Variants in GAS7 observed in about 807,000 individuals in gnomAD.
The protein encoded by GAS7 is growth arrest specific 7.
In GAS7, 28 loss-of-function variants were observed where a neutral mutation model predicts 71.1. That is an observed-to-expected ratio of 0.39 (90% CI 0.29 to 0.54). The LOEUF is 0.54. Among genes scored for constraint, GAS7 ranks in the 20% least tolerant of loss-of-function variants. The pLI, the probability that GAS7 is intolerant of heterozygous loss-of-function variation, is 0.62. For synonymous variants in GAS7, 258 were observed against 245.8 expected (o/e 1.05, Z -0.46); for missense variants, 436 against 627.8 (o/e 0.69, Z 3.27).
At chr17:10,195,049 G>A (rs1198922155) in intron 1 of GAS7, among the ~76,000 whole-genome samples, 1 of 152,050 alleles carries the variant, frequency 6.6e-6, no homozygotes, top group East Asian at 1.9e-4. Context: ...GCACCACCCC[G>A]AGTAGGAAGA....
chr17:10,034,045 G>A lies in GAS7; in HGVS notation c.184-14148C>T, dbSNP rs141101131. ...AACTAACATTTCTGGAGCTGCTGCCGCTGGCACATATAAAGTAGGCAAATG... is the reference window on the plus strand; with the variant it reads ...AACTAACATTTCTGGAGCTGCTGCCACTGGCACATATAAAGTAGGCAAATG... On this transcript the variant is annotated intron_variant, in intron 1 of 13. Coordinates refer to ENST00000432992, the MANE Select transcript of GAS7 (RefSeq NM_201433.2). The surrounding 1 kb of genome is among the most constrained non-coding windows in gnomAD (Gnocchi z 4.4). 241 of 820,580 alleles carry A rather than the reference G, an allele frequency of 2.9e-4. No individual in the cohort carries two copies. Among genetic ancestry groups the A allele is most frequent in the South Asian group, 3.9e-4 (7 of 18,034 alleles). The allele number at this position is 820,580 out of a possible 1,614,324, so 50.8% of individuals were successfully genotyped here. A position where few individuals can be genotyped will look rare whatever the true frequency, so the allele number is the denominator to read the frequency against.
chr17:9,985,804 C>A (rs988540209), intron 2 of GAS7, among the ~76,000 whole-genome samples: 2 of 152,230 alleles, frequency 1.3e-5, no homozygotes, highest in African/African-American at 4.8e-5. Context: ...ATTCTGAAGG[C>A]CCCTCCCAGC....
chr17:10,101,802 C>G (rs541719807), intron 1 of GAS7, among the ~76,000 whole-genome samples: 3 of 152,178 alleles, frequency 2.0e-5, no homozygotes, highest in Non-Finnish European at 4.4e-5. Context: ...TCCCACCATG[C>G]GTTTTGGCAA....
At chr17:9,936,994 C>T (rs1239517001) in intron 8 of GAS7, among the ~76,000 whole-genome samples, 1 of 152,258 alleles carries the variant, frequency 6.6e-6, no homozygotes. Context: ...AATTTCTAGA[C>T]TCCTGCTTTG....
intron 1 of GAS7, among the ~76,000 whole-genome samples, chr17:10,151,635 C>A (rs538365287): frequency 6.6e-6 from 1 of 152,280 alleles, no homozygotes; most frequent in South Asian, 2.1e-4. Context: ...ACCTTGACAT[C>A]CTTGGCTCAA....
At chr17:10,014,691 A>G (rs17208310) in intron 2 of GAS7, among the ~76,000 whole-genome samples, 1,770 of 152,112 alleles carry the variant, frequency 0.012, 44 homozygotes, top group East Asian at 0.096. Flanking sequence ...CCAGATTTCC[A>G]CACGAATACC....
intron 9 of GAS7, among the ~76,000 whole-genome samples, chr17:9,927,343 T>C (rs905848824): frequency 8.4e-6 from 1 of 119,334 alleles, no homozygotes; most frequent in Admixed American, 8.1e-5. Context: ...ACAAATTAGC[T>C]GGGAGTGGTG....
chr17:10,033,629 G>T (rs527643009), intron 1 of GAS7, among the ~76,000 whole-genome samples: 2 of 152,128 alleles, frequency 1.3e-5, no homozygotes, highest in Non-Finnish European at 2.9e-5. Context: ...CAGATGCACC[G>T]GGGGGCAAAA....
At chr17:10,123,331 C>T (rs2073919653) in intron 1 of GAS7, among the ~76,000 whole-genome samples, 1 of 152,206 alleles carries the variant, frequency 6.6e-6, no homozygotes, top group Admixed American at 6.5e-5. Flanking sequence ...GCAGCTCCAT[C>T]CAACAAGTTC....
At chr17:9,995,259 G>A (rs754744088) in intron 2 of GAS7, among the ~76,000 whole-genome samples, 7 of 152,168 alleles carry the variant, frequency 4.6e-5, no homozygotes, top group Non-Finnish European at 8.8e-5. Flanking sequence ...AGGACACTCA[G>A]TAATTGATAA....
chr17:10,194,263 T>C (rs936106797), intron 1 of GAS7, among the ~76,000 whole-genome samples: 1 of 152,238 alleles, frequency 6.6e-6, no homozygotes, highest in African/African-American at 2.4e-5. Flanking sequence ...TCCAATCCCA[T>C]TGTCCCCCAG....
chr17:10,168,058 C>T (rs1280107238), intron 1 of GAS7, among the ~76,000 whole-genome samples: 2 of 152,288 alleles, frequency 1.3e-5, no homozygotes, highest in African/African-American at 2.4e-5. Flanking sequence ...AAGGTACTCC[C>T]ACCTCTCAGC....
intron 2 of GAS7, among the ~76,000 whole-genome samples, chr17:10,012,851 C>T (rs1398205822): frequency 2.0e-5 from 3 of 151,910 alleles, no homozygotes; most frequent in Non-Finnish European, 4.4e-5. Flanking sequence ...GCCTGTAATC[C>T]CAGCACCTTG....
At chr17:10,001,938 C>T (rs1467819663) in intron 2 of GAS7, among the ~76,000 whole-genome samples, 1 of 152,270 alleles carries the variant, frequency 6.6e-6, no homozygotes, top group East Asian at 1.9e-4. Context: ...ACAAGCCACC[C>T]TTCCTGCTGC....
In GAS7 at chr17:9,917,998, C is replaced by A; in HGVS notation, c.1317+3G>T. 1 of 1,609,844 alleles carries A rather than the reference C, an allele frequency of 6.2e-7. No homozygotes were observed. ...CGGGAGCCCCGCTGGGCTGGAAACT[C>A]ACGCTTTGGTTGAACATGTCTGTTT... On this transcript the variant is annotated splice_donor_region_variant and intron_variant, in intron 13 of 13. Transcript: ENST00000432992.
At chr17:10,102,120 C>T (rs1287937121) in intron 1 of GAS7, among the ~76,000 whole-genome samples, 1 of 125,478 alleles carries the variant, frequency 8.0e-6, no homozygotes, top group Non-Finnish European at 1.6e-5. Context: ...AGGAAGAAAA[C>T]AAACCAGATC....
intron 2 of GAS7, among the ~76,000 whole-genome samples, chr17:10,015,890 C>T (rs2071976217): frequency 6.6e-6 from 1 of 152,122 alleles, no homozygotes; most frequent in African/African-American, 2.4e-5. Flanking sequence ...TCTTAAAACA[C>T]CCTGGACTCC....
At chr17:10,059,501 C>A (rs2073193713) in intron 1 of GAS7, among the ~76,000 whole-genome samples, 1 of 152,148 alleles carries the variant, frequency 6.6e-6, no homozygotes, top group African/African-American at 2.4e-5. Context: ...ATGAGGAGGA[C>A]TGATACACGG....
intron 1 of GAS7, among the ~76,000 whole-genome samples, chr17:10,084,090 CCTGGGTGGTGGAAT>C (rs1323611931): frequency 6.6e-6 from 1 of 152,172 alleles, no homozygotes; most frequent in Non-Finnish European, 1.5e-5. Context: ...ATTGCTTAAA[CCTGGGTGGTGGAAT>C]TTGCAGTGAG....
Sources: gnomAD v4.1 joint callset for allele counts (sites outside exome capture counted in the v4.1 genomes callset) on GRCh38, gnomAD v4.1.1 for gene constraint, Gnocchi (gnomAD v3.1) non-coding constraint, MANE v1.5 for transcripts, NCBI Gene and HGNC (gene_info 2026-07-23, HGNC 2026-07-21) for gene names.